The following RBFOX1 variants were observed in gnomAD, a reference collection of about 807,000 sequenced individuals.
RBFOX1 encodes RNA binding protein fox-1 homolog 1.
In RBFOX1, 8 loss-of-function variants were observed where a neutral mutation model predicts 57.7. The observed-to-expected ratio is 0.14, with a 90% confidence interval of 0.08 to 0.25. RBFOX1 has a LOEUF of 0.25. RBFOX1 is among the 10% of genes least tolerant of loss of function. The probability of loss-of-function intolerance (pLI) is 1.00; values close to 1 mark genes in which losing one functional copy is unlikely to be tolerated. For missense variants in RBFOX1, 611 were observed against 548.5 expected (o/e 1.11, Z -1.14); for synonymous variants, 326 against 222.4 (o/e 1.47, Z -4.15).
chr16:7,663,120 A>G (rs140038213), intron 12 of RBFOX1, among the ~76,000 whole-genome samples: 2 of 152,328 alleles, frequency 1.3e-5, no homozygotes, highest in African/African-American at 4.8e-5. Context: ...TGGGACCCAA[A>G]CTAAATATCT....
At chr16:7,618,871 A>T (rs1299394241) in intron 10 of RBFOX1, among the ~76,000 whole-genome samples, 3 of 152,242 alleles carry the variant, frequency 2.0e-5, no homozygotes, top group Non-Finnish European at 4.4e-5. Context: ...TGGAATTGTT[A>T]TAACACATTA....
Position 6,746,658 on chromosome 16 carries a change from A to T in RBFOX1, c.-16+92008A>T, listed in dbSNP as rs139531335. Among the ~76,000 whole-genome samples the T allele has an allele frequency of 2.3e-3, 346 of 151,942 alleles. 1 individual carries two copies. The highest frequency in any genetic ancestry group is 8.0e-3 in the African/African-American group (330 of 41,404). ...GTGCCACTGCACTTCAGCCTGAGTG[A>T]CGAGTGAGACACAGGTGTCAGGGAA... On this transcript the variant is annotated intron_variant, in intron 3 of 15. Transcript: ENST00000550418.
At chr16:7,235,447 T>G (rs1269328994) in intron 4 of RBFOX1, among the ~76,000 whole-genome samples, 2 of 152,288 alleles carry the variant, frequency 1.3e-5, no homozygotes, top group East Asian at 3.9e-4. Flanking sequence ...CCAGTTTAGA[T>G]GAGGGACCTT....
At chr16:6,008,178 C>G (rs2094938413) in intron 4 of RBFOX1, among the ~76,000 whole-genome samples, 1 of 151,974 alleles carries the variant, frequency 6.6e-6, no homozygotes, top group African/African-American at 2.4e-5. Context: ...GTACTCCAGC[C>G]TGGGTGGCAT....
intron 2 of RBFOX1, among the ~76,000 whole-genome samples, chr16:6,610,399 C>A (rs1454780078): frequency 1.3e-5 from 2 of 151,986 alleles, no homozygotes; most frequent in South Asian, 2.1e-4. Context: ...GCAATCATGG[C>A]TCACTGCAGC....
At chr16:5,773,336 A>C (rs1171509121) in intron 3 of RBFOX1, among the ~76,000 whole-genome samples, 1 of 152,222 alleles carries the variant, frequency 6.6e-6, no homozygotes, top group African/African-American at 2.4e-5. Context: ...GTTCACAAGC[A>C]GCCTCTAGAC....
intron 4 of RBFOX1, among the ~76,000 whole-genome samples, chr16:7,164,211 T>A (rs929713756): frequency 6.6e-6 from 1 of 152,152 alleles, no homozygotes; most frequent in African/African-American, 2.4e-5. Flanking sequence ...TGAGAACATA[T>A]GATGTTTGCT....
chr16:6,688,461 C>G (rs2059760216), intron 3 of RBFOX1, among the ~76,000 whole-genome samples: 1 of 152,038 alleles, frequency 6.6e-6, no homozygotes, highest in Non-Finnish European at 1.5e-5. Context: ...TATTTAGACC[C>G]CTTGGCAACA....
In RBFOX1 at chr16:7,120,838, C is replaced by T. The variant is rs148479846; in HGVS notation, c.27+68740C>T. Among the ~76,000 whole-genome samples, 186 of 141,660 alleles carry T rather than the reference C, an allele frequency of 1.3e-3. 1 individual carries two copies. Among genetic ancestry groups the T allele is most frequent in the African/African-American group, 4.7e-3 (178 of 37,816 alleles). 92.9% of individuals were successfully genotyped at this position (141,660 alleles called of 152,430 possible). A position where few individuals can be genotyped will look rare whatever the true frequency, so the allele number is the denominator to read the frequency against. On this transcript the variant is annotated intron_variant, in intron 4 of 15. Coordinates refer to ENST00000550418, the MANE Select transcript of RBFOX1 (RefSeq NM_018723.4). ...TTTTATATATGTATATATACACACA[C>T]ACACACACACACACACACACATACG... is the stretch of plus-strand genomic sequence containing the variant.
At position 6,813,764 on chromosome 16, in the gene RBFOX1, A is replaced by G. The variant is rs117436407; in HGVS notation, c.-16+159114A>G. On this transcript the variant is annotated intron_variant, in intron 3 of 15. Coordinates refer to ENST00000550418, the MANE Select transcript of RBFOX1 (RefSeq NM_018723.4). Reference sequence around the variant, plus strand: ...AAAATCAAACCTCCTGGGCATGCCAATGGCAGCAGGCACCTGCAGAGATGC... The same window carrying G: ...AAAATCAAACCTCCTGGGCATGCCAGTGGCAGCAGGCACCTGCAGAGATGC... 1.0e-3 allele frequency among the ~76,000 whole-genome samples: 156 copies of G among 152,288 alleles called. 1 individual carries two copies. The highest frequency in any genetic ancestry group is 1.5e-3 in the East Asian group (8 of 5,176).
intron 3 of RBFOX1, among the ~76,000 whole-genome samples, chr16:6,900,042 T>A (rs12709160): frequency 0.25 from 38,277 of 152,030 alleles, 5,572 homozygotes; most frequent in African/African-American, 0.4. Context: ...ACTTCTAGGG[T>A]TGTCGGGAGG....
chr16:5,692,165 CTGTG>C (rs199585814), intron 3 of RBFOX1, among the ~76,000 whole-genome samples: 1,793 of 22,748 alleles, frequency 0.079, 31 homozygotes, highest in Non-Finnish European at 0.13. Context: ...TAGGGACTGA[CTGTG>C]TGTGTGTGTG....
At chr16:7,120,404 T>C (rs2066855260) in intron 4 of RBFOX1, among the ~76,000 whole-genome samples, 1 of 152,006 alleles carries the variant, frequency 6.6e-6, no homozygotes, top group Admixed American at 6.6e-5. Flanking sequence ...TTTCAAAGCA[T>C]AGAAGTGATG....
intron 4 of RBFOX1, among the ~76,000 whole-genome samples, chr16:7,308,280 A>C (rs938882757): frequency 1.4e-5 from 2 of 138,880 alleles, no homozygotes; most frequent in Admixed American, 1.6e-4. Context: ...ACTGCGTGTC[A>C]GATTCCACCC....
chr16:7,676,033 T>C (rs1185427757), intron 13 of RBFOX1, among the ~76,000 whole-genome samples: 2 of 152,250 alleles, frequency 1.3e-5, no homozygotes, highest in East Asian at 3.8e-4. Context: ...CAATTACTGG[T>C]ACATACAACT....
intron 7 of RBFOX1, among the ~76,000 whole-genome samples, chr16:7,592,098 C>G (rs147918168): frequency 2.0e-5 from 3 of 152,106 alleles, no homozygotes; most frequent in Non-Finnish European, 4.4e-5. Context: ...GAAAGTCTGT[C>G]TGGCATTTTG....
chr16:5,611,030 C>G (rs1460093646), intron 3 of RBFOX1, among the ~76,000 whole-genome samples: 3 of 152,208 alleles, frequency 2.0e-5, no homozygotes, highest in African/African-American at 7.2e-5. Flanking sequence ...TGTCTCTCTA[C>G]AGCCTAGTCT....
At chr16:5,594,872 C>G (rs1044608675) in intron 2 of RBFOX1, among the ~76,000 whole-genome samples, 18 of 148,980 alleles carry the variant, frequency 1.2e-4, no homozygotes, top group African/African-American at 4.2e-4. Flanking sequence ...TGGCTCATGT[C>G]TATAATCCCA....
At chr16:7,046,580 T>C (rs1359886632) in intron 3 of RBFOX1, among the ~76,000 whole-genome samples, 1 of 151,428 alleles carries the variant, frequency 6.6e-6, no homozygotes, top group African/African-American at 2.4e-5. Flanking sequence ...TGCCTCTTTG[T>C]TTCTGTAGTC....
Sources: allele counts gnomAD v4.1 joint callset (sites outside exome capture counted in the v4.1 genomes callset), GRCh38; gene constraint gnomAD v4.1.1; transcripts MANE v1.5; gene names NCBI Gene and HGNC (gene_info 2026-07-23, HGNC 2026-07-21).